CACNA1A: variants seen among roughly 807,000 people sequenced by gnomAD.
CACNA1A encodes calcium voltage-gated channel subunit alpha1 A, also known as voltage-dependent P/Q-type calcium channel subunit alpha-1A.
CACNA1A carries 57 observed loss-of-function variants against 262.4 expected under a neutral mutation model. The ratio of observed to expected loss-of-function variants is 0.22; its 90% confidence interval spans 0.18 to 0.27. The LOEUF (loss-of-function observed/expected upper bound fraction) is 0.27. Among genes scored for constraint, CACNA1A ranks in the 10% least tolerant of loss-of-function variants. The probability of loss-of-function intolerance (pLI) is 1.00; values close to 1 mark genes in which losing one functional copy is unlikely to be tolerated. For synonymous variants in CACNA1A, 1,431 were observed against 1,419.3 expected, an observed-to-expected ratio of 1.01 and a Z score of -0.18; for missense variants, 2,526 against 3,562.8, an observed-to-expected ratio of 0.71 and a Z score of 7.41.
At chr19:13,303,359 T>G (rs2057827587) in intron 17 of CACNA1A, among the ~76,000 whole-genome samples, 187 bp downstream of exon 17, 1 of 152,088 alleles carries the variant, frequency 6.6e-6, no homozygotes, top group Non-Finnish European at 1.5e-5. Context: ...ATTTGCTTGA[T>G]GAGGGACAGT....
chr19:13,341,487 C>CCCTCCCAT (rs1216257049), intron 6 of CACNA1A, among the ~76,000 whole-genome samples: 5 of 152,196 alleles, frequency 3.3e-5, no homozygotes, highest in Non-Finnish European at 7.3e-5. Context: ...GGGCCTCCAA[C>CCCTCCCAT]CCTCCCATCT....
At chr19:13,238,258 C>T (rs1175991198) in intron 31 of CACNA1A, among the ~76,000 whole-genome samples, 2 of 152,176 alleles carry the variant, frequency 1.3e-5, no homozygotes, top group Non-Finnish European at 2.9e-5. Context: ...AGCTTCCTCT[C>T]TTCAACACCT....
intron 3 of CACNA1A, among the ~76,000 whole-genome samples, chr19:13,384,596 A>G (rs890112554): frequency 6.6e-6 from 1 of 152,144 alleles, no homozygotes; most frequent in African/African-American, 2.4e-5. Context: ...GCTACTTGGG[A>G]GGCTGAGGCA....
At position 13,214,149 on chromosome 19, in the gene CACNA1A, A is replaced by C; in HGVS notation, c.5940+84T>G. On this transcript the variant is annotated intron_variant, in intron 40 of 46. Transcript: ENST00000360228. The surrounding 1 kb of genome is among the most constrained non-coding windows in gnomAD (Gnocchi z 4.1). ...CAGGGACCTGCCCTGGGGCTCAGCC[A>C]CCCTCATATTCCAGTTGGTTCCCGT... 1 of 1,105,832 alleles carries C rather than the reference A, an allele frequency of 9.0e-7. No homozygotes were observed. The highest frequency in any genetic ancestry group is 1.3e-6 in the Non-Finnish European group (1 of 755,626). 68.5% of individuals were successfully genotyped at this position (1,105,832 alleles called of 1,614,324 possible).
intron 27 of CACNA1A, 41 bp downstream of exon 27, chr19:13,259,523 C>T (rs764259578): frequency 1.3e-6 from 2 of 1,568,006 alleles, no homozygotes; most frequent in South Asian, 1.2e-5. Context: ...CTCCTGCTCC[C>T]CAGGGCTCCT....
At chr19:13,384,067 C>G (rs1385335494) in intron 3 of CACNA1A, among the ~76,000 whole-genome samples, 2 of 152,202 alleles carry the variant, frequency 1.3e-5, no homozygotes, top group Non-Finnish European at 2.9e-5. Flanking sequence ...ATCCTCTCAT[C>G]TTGGTCTCTT....
At chr19:13,485,200 A>C (rs1407093199) in intron 1 of CACNA1A, among the ~76,000 whole-genome samples, 1 of 152,228 alleles carries the variant, frequency 6.6e-6, no homozygotes, top group Non-Finnish European at 1.5e-5. Context: ...AATAAAAAGG[A>C]AATTGGACCC....
chr19:13,261,179 C>T (rs1266217149), intron 26 of CACNA1A: 2 of 360,466 alleles, frequency 5.5e-6, no homozygotes, highest in Non-Finnish European at 1.0e-5. Context: ...AAGTAAGGAA[C>T]TGTGGATGTG....
intron 1 of CACNA1A, among the ~76,000 whole-genome samples, chr19:13,466,836 G>T (rs1371393322): frequency 6.6e-6 from 1 of 151,766 alleles, no homozygotes. Context: ...GCATGATATG[G>T]ACGGTTTTCA....
intron 6 of CACNA1A, among the ~76,000 whole-genome samples, chr19:13,344,446 T>C (rs981216138): frequency 6.6e-6 from 1 of 152,178 alleles, no homozygotes; most frequent in Non-Finnish European, 1.5e-5. Context: ...AGATCCATTG[T>C]GCCCCCATCA....
At chr19:13,243,561 CTTTT>C (rs770113082) in intron 31 of CACNA1A, 1 of 148,694 alleles carries the variant, frequency 6.7e-6, no homozygotes, top group Middle Eastern at 3.2e-3. Context: ...TTCTTTCTTT[CTTTT>C]TTTTTTTGAG....
intron 3 of CACNA1A, among the ~76,000 whole-genome samples, chr19:13,382,323 T>C (rs1306882771): frequency 6.6e-6 from 1 of 152,144 alleles, no homozygotes; most frequent in African/African-American, 2.4e-5. Flanking sequence ...TGTGTGACCT[T>C]TCCCATTGCC....
intron 3 of CACNA1A, among the ~76,000 whole-genome samples, chr19:13,445,430 C>T (rs117505060): frequency 1.5e-3 from 230 of 152,300 alleles, no homozygotes; most frequent in Non-Finnish European, 2.6e-3. Flanking sequence ...GTGTTGGTCC[C>T]ATCTTCTAAA....
rs139844700 is a variant in CACNA1A at position 13,424,933 on chromosome 19, T to C, written c.539+27943A>G. On this transcript the variant is annotated intron_variant, in intron 3 of 46. Transcript: ENST00000360228. Reference sequence around the variant, plus strand: ...AATTCTCCTGCCTCAGCCTCCCAAGTAGCTGGGATTACAGGCACGCACCAC... The same window carrying C: ...AATTCTCCTGCCTCAGCCTCCCAAGCAGCTGGGATTACAGGCACGCACCAC... Among the ~76,000 whole-genome samples the C allele has an allele frequency of 8.8e-3, 1,343 of 152,180 alleles. 22 individuals carry two copies. Among genetic ancestry groups the C allele is most frequent in the African/African-American group, 0.03 (1,246 of 41,514 alleles).
At chr19:13,295,498 T>TC (rs936300060) in intron 19 of CACNA1A, among the ~76,000 whole-genome samples, 15 of 150,554 alleles carry the variant, frequency 1.0e-4, no homozygotes, top group Admixed American at 2.7e-4. Context: ...TTTCTTTCTT[T>TC]TTTTTTTTTT....
rs1053187221 is a variant in CACNA1A at position 13,296,716 on chromosome 19, T to C, written c.3089+1828A>G. Among the ~76,000 whole-genome samples, 12 of 151,322 alleles carry C rather than the reference T, an allele frequency of 7.9e-5. 1 individual carries two copies. The South Asian group carries it at 1.0e-3, about 13-fold the overall frequency. ...CATCCAAAGCTTTGAAACTCTGCTC[T>C]CCCTTCAATTCTAACGGCCCAAAGT... On this transcript the variant is annotated intron_variant, in intron 19 of 46. Transcript: ENST00000360228.
At chr19:13,376,884 ATATATGT>A (rs898626426) in intron 3 of CACNA1A, among the ~76,000 whole-genome samples, 2 of 136,612 alleles carry the variant, frequency 1.5e-5, no homozygotes, top group Non-Finnish European at 3.3e-5. Flanking sequence ...ATAACACATG[ATATATGT>A]TATATGTGAT....
intron 3 of CACNA1A, among the ~76,000 whole-genome samples, chr19:13,426,653 T>C (rs1326173283): frequency 6.6e-6 from 1 of 152,190 alleles, no homozygotes; most frequent in Non-Finnish European, 1.5e-5. Context: ...GTGGGCGTGG[T>C]TAATAGCAGA....
At chr19:13,249,102 A>G (rs1018542155) in intron 30 of CACNA1A, among the ~76,000 whole-genome samples, 1 of 152,062 alleles carries the variant, frequency 6.6e-6, no homozygotes, top group African/African-American at 2.4e-5. Flanking sequence ...AGTAGTTAGG[A>G]CAACAGTCAT....
Sources: gnomAD v4.1 joint callset for allele counts (sites outside exome capture counted in the v4.1 genomes callset) on GRCh38, gnomAD v4.1.1 for gene constraint, Gnocchi (gnomAD v3.1) non-coding constraint, MANE v1.5 for transcripts, NCBI Gene and HGNC (gene_info 2026-07-23, HGNC 2026-07-21) for gene names.